WDR64: variants seen among roughly 807,000 people sequenced by gnomAD.
WDR64 encodes the protein WD repeat-containing protein 64.
A neutral mutation model predicts 139.3 loss-of-function variants in WDR64; 112 were observed. That is an observed-to-expected ratio of 0.80 (90% CI 0.69 to 0.94). WDR64 has a LOEUF of 0.94. Ranked by LOEUF, WDR64 falls within the 40% of genes least tolerant of loss-of-function variation. WDR64 has a pLI of 0.00. For synonymous variants in WDR64, 444 were observed against 437.7 expected (o/e 1.01, Z -0.18); for missense variants, 1,206 against 1,293.1 (o/e 0.93, Z 1.03).
chr1:241,776,911 A>G (rs1432210100), intron 21 of WDR64, among the ~76,000 whole-genome samples: 3 of 152,080 alleles, frequency 2.0e-5, no homozygotes, highest in Non-Finnish European at 2.9e-5. Context: ...TCCAGAAAAT[A>G]GAGTGGGTTT....
intron 3 of WDR64, among the ~76,000 whole-genome samples, chr1:241,673,667 G>A (rs900870964): frequency 1.3e-5 from 2 of 152,288 alleles, no homozygotes; most frequent in African/African-American, 4.8e-5. Flanking sequence ...TGAGATACAC[G>A]GATGAGGGTG....
intron 8 of WDR64, among the ~76,000 whole-genome samples, chr1:241,710,416 G>C (rs1247317418): frequency 6.6e-6 from 1 of 151,568 alleles, no homozygotes; most frequent in Non-Finnish European, 1.5e-5. Flanking sequence ...TTTAACCATG[G>C]CACAATACCA....
chr1:241,698,654 A>G (rs929806642), intron 8 of WDR64, among the ~76,000 whole-genome samples: 3 of 152,044 alleles, frequency 2.0e-5, no homozygotes, highest in African/African-American at 4.8e-5. Context: ...AACTTTGTAC[A>G]TATTTTGAGC....
chr1:241,682,530 C>T (rs922049821), intron 6 of WDR64, among the ~76,000 whole-genome samples: 9 of 152,202 alleles, frequency 5.9e-5, no homozygotes, highest in African/African-American at 2.2e-4. Context: ...GTGACTATGG[C>T]CTTATAGTAT....
chr1:241,730,761 A>G (rs1242460045), intron 10 of WDR64, among the ~76,000 whole-genome samples: 1 of 152,154 alleles, frequency 6.6e-6, no homozygotes, highest in Non-Finnish European at 1.5e-5. Flanking sequence ...TTATATTTTG[A>G]TGTAATCTTT....
rs886775869 is a variant in WDR64, at chr1:241,802,134, A to G, written c.*919A>G. 2.3e-5 allele frequency: 9 copies of G among 398,044 alleles called. No individual in the cohort carries two copies. Among genetic ancestry groups the G allele is most frequent in the African/African-American group, 1.9e-4 (9 of 48,632 alleles). 24.7% of individuals were successfully genotyped at this position (398,044 alleles called of 1,614,324 possible). A position where few individuals can be genotyped will look rare whatever the true frequency, so the allele number is the denominator to read the frequency against. On this transcript the variant is annotated 3_prime_UTR_variant, in exon 28 of 28. Coordinates refer to ENST00000437684, the MANE Select transcript of WDR64 (RefSeq NM_001367482.1). Reference sequence around the variant, plus strand: ...ATAAAGTTATTAATAATAACTCAAAAAAGGAAAAAGCCTAGTTTCCACAAC... The same window carrying G: ...ATAAAGTTATTAATAATAACTCAAAGAAGGAAAAAGCCTAGTTTCCACAAC...
At chr1:241,655,811 T>C (rs1472068244) in intron 1 of WDR64, among the ~76,000 whole-genome samples, 1 of 151,864 alleles carries the variant, frequency 6.6e-6, no homozygotes, top group Non-Finnish European at 1.5e-5. Context: ...AAAGCCATCC[T>C]CAGCACTGTT....
chr1:241,659,888 C>T (rs1228099036), intron 1 of WDR64, among the ~76,000 whole-genome samples: 3 of 152,272 alleles, frequency 2.0e-5, no homozygotes, highest in East Asian at 3.9e-4. Context: ...GTTTCTTTTG[C>T]TGTGCAGAAG....
Position 241,795,265 on chromosome 1 carries a change from T to C in WDR64, c.3056T>C (p.Phe1019Ser), listed in dbSNP as rs376612822. ...VTENREAGIVFGSLPIYSISS... is the reference protein window; with the variant it reads ...VTENREAGIVSGSLPIYSISS... ...GAAAACAGAGAGGCAGGGATTGTTT[T>C]CGGCTCTCTGCCTATATACAGTGTG... is the stretch of plus-strand genomic sequence containing the variant. The change falls in exon 26 of 28, where the codon TTC becomes TCC. Residue 1019 changes from phenylalanine (F) to serine (S), a missense_variant. Phe to Ser is a radical substitution (Grantham distance 155). Coordinates refer to ENST00000437684, the MANE Select transcript of WDR64 (RefSeq NM_001367482.1). 31 of 1,613,798 alleles carry C rather than the reference T, an allele frequency of 1.9e-5. No homozygotes were observed. Among genetic ancestry groups the C allele is most frequent in the Non-Finnish European group, 2.4e-5 (28 of 1,179,898 alleles).
chr1:241,786,270 T>G (rs1041314985), intron 23 of WDR64, among the ~76,000 whole-genome samples: 2 of 152,236 alleles, frequency 1.3e-5, no homozygotes, highest in African/African-American at 4.8e-5. Context: ...ATTCAGACTT[T>G]GCAGAATCTA....
At position 241,802,034 on chromosome 1, in the gene WDR64, A is replaced by G. The variant is rs1558530893; in HGVS notation, c.*819A>G. 2.5e-6 allele frequency: 1 copy of G among 397,818 alleles called. No homozygotes were observed. Among genetic ancestry groups the G allele is most frequent in the Non-Finnish European group, 4.4e-6 (1 of 225,742 alleles). 24.6% of individuals were successfully genotyped at this position (397,818 alleles called of 1,614,324 possible). A position where few individuals can be genotyped will look rare whatever the true frequency, so the allele number is the denominator to read the frequency against. ...AGATGTATGATGCAAAAACTAACCT[A>G]AAGAAAATCAATATAGCCATATTAA... On this transcript the variant is annotated 3_prime_UTR_variant, in exon 28 of 28. Coordinates refer to ENST00000437684, the MANE Select transcript of WDR64 (RefSeq NM_001367482.1).
Position 241,736,639 on chromosome 1 carries a change from G to T in WDR64, c.1195-1724G>T, listed in dbSNP as rs549882608. 3.3e-5 allele frequency among the ~76,000 whole-genome samples: 5 copies of T among 152,214 alleles called. No homozygotes were observed. The East Asian group carries it at 9.6e-4, about 29-fold the overall frequency. ...GCAGTATGACGCAGAAGGTTTTTGT[G>T]CCTCCCACAGCCCAGCAACTGCCAC... On this transcript the variant is annotated intron_variant, in intron 10 of 27. Coordinates refer to ENST00000437684, the MANE Select transcript of WDR64 (RefSeq NM_001367482.1).
rs1234498812 is a variant in WDR64 at position 241,801,809 on chromosome 1, AG to A, written c.*595del. ...AAAGAAAGGAAGAAAAATGGGTCATAGAAATAGAAAAAGCATAGTAACATGG... is the reference window on the plus strand; with the variant it reads ...AAAGAAAGGAAGAAAAATGGGTCATAAAATAGAAAAAGCATAGTAACATGG... On this transcript the variant is annotated 3_prime_UTR_variant, in exon 28 of 28. Transcript: ENST00000437684. 1 of 398,274 alleles carries A rather than the reference AG, an allele frequency of 2.5e-6. No individual in the cohort carries two copies. The highest frequency in any genetic ancestry group is 4.4e-6 in the Non-Finnish European group (1 of 225,958). The allele number at this position is 398,274 out of a possible 1,614,324, so 24.7% of individuals were successfully genotyped here.
In WDR64 at chr1:241,741,576, C is replaced by T. The variant is rs774001815; in HGVS notation, c.1382C>T (p.Pro461Leu). 69 of 1,613,364 alleles carry T rather than the reference C, an allele frequency of 4.3e-5. No homozygotes were observed. The highest frequency in any genetic ancestry group is 5.8e-5 in the Non-Finnish European group (68 of 1,179,794). ...TRMIQDTKQV[P>L]HTHEREINVM... ...ATGATACAAGATACAAAACAGGTTC[C>T]TCACACTCATGAACGAGAAATCAAT... Residue 461 changes from proline (P) to leucine (L), a missense_variant, in exon 12 of 28, where the codon CCT becomes CTT. By Grantham distance (98) the Pro-to-Leu change is moderately conservative. Coordinates refer to ENST00000437684, the MANE Select transcript of WDR64 (RefSeq NM_001367482.1).
intron 4 of WDR64, among the ~76,000 whole-genome samples, chr1:241,675,258 C>CCTTCCCCCCTT (rs1666503521): frequency 1.0e-5 from 1 of 99,926 alleles, no homozygotes; most frequent in South Asian, 4.1e-4. Context: ...CTTCCTTCCT[C>CCTTCCCCCCTT]CCTCCCTTCC....
intron 8 of WDR64, among the ~76,000 whole-genome samples, chr1:241,701,037 G>A (rs1667691159): frequency 6.6e-6 from 1 of 152,188 alleles, no homozygotes; most frequent in Non-Finnish European, 1.5e-5. Context: ...CTGTCAATCA[G>A]GTTGTGAAGT....
intron 8 of WDR64, among the ~76,000 whole-genome samples, chr1:241,704,432 A>T (rs1190634966): frequency 6.6e-6 from 1 of 152,250 alleles, no homozygotes; most frequent in Non-Finnish European, 1.5e-5. Flanking sequence ...CTAATAACAG[A>T]ATGAAAAAGC....
rs1456297590 is a variant in WDR64 at position 241,716,466 on chromosome 1, A to G, written c.1054+4585A>G. 5.3e-5 allele frequency among the ~76,000 whole-genome samples: 8 copies of G among 152,072 alleles called. No homozygotes were observed. The South Asian group carries it at 8.3e-4, about 16-fold the overall frequency. ...AGGAACACAATTACCTCCCAAAAAGATATTTTGGGGGCTCTGCATGCATTT... is the reference window on the plus strand; with the variant it reads ...AGGAACACAATTACCTCCCAAAAAGGTATTTTGGGGGCTCTGCATGCATTT... On this transcript the variant is annotated intron_variant, in intron 9 of 27. Coordinates refer to ENST00000437684, the MANE Select transcript of WDR64 (RefSeq NM_001367482.1).
At chr1:241,693,425 G>C (rs1029687839) in intron 8 of WDR64, among the ~76,000 whole-genome samples, 24 of 150,228 alleles carry the variant, frequency 1.6e-4, no homozygotes, top group African/African-American at 5.8e-4. Context: ...AGGGAGCATA[G>C]AGAATTTTAG....
Sources: gnomAD v4.1 joint callset for allele counts (sites outside exome capture counted in the v4.1 genomes callset) on GRCh38, gnomAD v4.1.1 for gene constraint, MANE v1.5 for transcripts, NCBI Gene and HGNC (gene_info 2026-07-23, HGNC 2026-07-21) for gene names.